Variants in CWF19L2 observed in about 807,000 individuals in gnomAD.
The protein encoded by CWF19L2 is CWF19-like protein 2.
Under a neutral mutation model 111.7 loss-of-function variants are expected in CWF19L2, and 98 were observed. That is an observed-to-expected ratio of 0.88 (90% CI 0.75 to 1.04). The LOEUF is 1.04. Ranked by LOEUF, CWF19L2 falls within the 50% of genes least tolerant of loss-of-function variation. The pLI, the probability that CWF19L2 is intolerant of heterozygous loss-of-function variation, is 0.00. For synonymous variants in CWF19L2, 351 were observed against 342.9 expected (o/e 1.02, Z -0.26); for missense variants, 1,101 against 1,051.4 (o/e 1.05, Z -0.65).
At chr11:107,355,568 G>GA (rs35629376) in intron 12 of CWF19L2, among the ~76,000 whole-genome samples, 23,167 of 152,106 alleles carry the variant, frequency 0.15, 1,862 homozygotes, top group Non-Finnish European at 0.17. Context: ...AGACAAAGCA[G>GA]ATTTCATAGC....
intron 3 of CWF19L2, among the ~76,000 whole-genome samples, chr11:107,451,674 A>G (rs1296022968): frequency 1.3e-5 from 2 of 152,196 alleles, no homozygotes; most frequent in East Asian, 1.9e-4. Flanking sequence ...ATGACAATAA[A>G]TTTGACAATT....
chr11:107,381,603 T>G (rs1245801363), intron 12 of CWF19L2, among the ~76,000 whole-genome samples: 3 of 152,196 alleles, frequency 2.0e-5, no homozygotes, highest in Non-Finnish European at 4.4e-5. Context: ...TTAAAGTCTA[T>G]GAGAATGAAA....
At chr11:107,392,684 A>G in intron 11 of CWF19L2, 95 bp downstream of exon 11, 1 of 670,912 alleles carries the variant, frequency 1.5e-6, no homozygotes, top group South Asian at 2.1e-5. Flanking sequence ...TTCAAAAGCC[A>G]CATTTCAGAA....
chr11:107,355,626 C>T (rs1411165821), intron 12 of CWF19L2, among the ~76,000 whole-genome samples: 1 of 152,094 alleles, frequency 6.6e-6, no homozygotes, highest in Admixed American at 6.5e-5. Flanking sequence ...GGAATCATAA[C>T]ATCAAGAGGA....
intron 8 of CWF19L2, among the ~76,000 whole-genome samples, chr11:107,425,567 G>A (rs758854982): frequency 1.3e-5 from 2 of 151,858 alleles, no homozygotes; most frequent in African/African-American, 4.8e-5. Flanking sequence ...TAATGAATCT[G>A]CCTAATGACA....
At chr11:107,360,028 G>T (rs1565252238) in intron 12 of CWF19L2, among the ~76,000 whole-genome samples, 3 of 152,226 alleles carry the variant, frequency 2.0e-5, no homozygotes, top group African/African-American at 4.8e-5. Flanking sequence ...GCATAGTGAT[G>T]AAGTCAGGGC....
chr11:107,356,798 G>A (rs1860243538), intron 12 of CWF19L2, among the ~76,000 whole-genome samples: 1 of 152,202 alleles, frequency 6.6e-6, no homozygotes, highest in African/African-American at 2.4e-5. Flanking sequence ...AGCATTTTGG[G>A]AGGTGGAGGT....
intron 10 of CWF19L2, among the ~76,000 whole-genome samples, chr11:107,396,130 C>T (rs117623781): frequency 6.1e-4 from 93 of 152,152 alleles, no homozygotes; most frequent in Middle Eastern, 3.4e-3. Flanking sequence ...CATTAAAATA[C>T]GAGACAGAAA....
chr11:107,329,408 G>T (rs994077075), intron 17 of CWF19L2, among the ~76,000 whole-genome samples: 1 of 152,124 alleles, frequency 6.6e-6, no homozygotes, highest in African/African-American at 2.4e-5. Context: ...TATAAATGAA[G>T]ATGAGAAAAT....
At chr11:107,357,391 G>A (rs866856774) in intron 12 of CWF19L2, among the ~76,000 whole-genome samples, 1 of 152,152 alleles carries the variant, frequency 6.6e-6, no homozygotes. Context: ...TATATTAACA[G>A]GAGCACAATA....
At chr11:107,447,366 A>G (rs538601341) in intron 3 of CWF19L2, among the ~76,000 whole-genome samples, 1 of 152,304 alleles carries the variant, frequency 6.6e-6, no homozygotes, top group African/African-American at 2.4e-5. Flanking sequence ...GACCAAGCTG[A>G]ACATGCTGAG....
intron 1 of CWF19L2, among the ~76,000 whole-genome samples, chr11:107,456,737 G>C (rs1279360368): frequency 1.3e-5 from 2 of 151,928 alleles, no homozygotes; most frequent in African/African-American, 2.4e-5. Context: ...AATAATTCTT[G>C]GTGTAGGCAA....
Position 107,329,907 on chromosome 11 carries a change from T to G in CWF19L2, c.2541+11A>C. 1 of 1,535,232 alleles carries G rather than the reference T, an allele frequency of 6.5e-7. No individual in the cohort carries two copies. Among genetic ancestry groups the G allele is most frequent in the East Asian group, 2.3e-5 (1 of 42,980 alleles). ...GCTAACTCTGGGATTTTATCAAATTTGTAAGCCTACCTTTCCAAAGTAATG... is the reference window on the plus strand; with the variant it reads ...GCTAACTCTGGGATTTTATCAAATTGGTAAGCCTACCTTTCCAAAGTAATG... On this transcript the variant is annotated intron_variant, in intron 17 of 17. Transcript: ENST00000282251.
rs749288164 is a variant in CWF19L2 at position 107,428,833 on chromosome 11, C to CT, written c.1398dup (p.Glu467ArgfsTer17). 2 of 1,611,808 alleles carry CT rather than the reference C, an allele frequency of 1.2e-6. No homozygotes were observed. The highest frequency in any genetic ancestry group is 1.7e-6 in the Non-Finnish European group (2 of 1,179,216). On this transcript the variant is annotated frameshift_variant, in exon 8 of 18. Coordinates refer to ENST00000282251, the MANE Select transcript of CWF19L2 (RefSeq NM_152434.3). LOFTEE classifies it high-confidence loss of function. ...GTAGACTTTGTATCCCGTAGATGTT[C>CT]TTTTTTTGGAGGGTCATCTCTCAAG...
intron 7 of CWF19L2, among the ~76,000 whole-genome samples, chr11:107,431,939 A>G (rs973453921): frequency 1.8e-4 from 27 of 152,184 alleles, no homozygotes; most frequent in Admixed American, 1.7e-3. Context: ...ATGCACAAAT[A>G]TATATTCCAG....
At chr11:107,351,366 G>A (rs1422411494) in intron 13 of CWF19L2, among the ~76,000 whole-genome samples, 1 of 152,118 alleles carries the variant, frequency 6.6e-6, no homozygotes, top group Admixed American at 6.5e-5. Flanking sequence ...CTAAAAAGAG[G>A]AAGACTATGG....
chr11:107,392,645 A>T (rs1310668512), intron 11 of CWF19L2, 134 bp downstream of exon 11: 1 of 541,116 alleles, frequency 1.8e-6, no homozygotes, highest in Non-Finnish European at 3.2e-6. Context: ...AGTAGTAACA[A>T]CATCATTTCC....
intron 4 of CWF19L2, 27 bp downstream of exon 4, chr11:107,442,912 G>A (rs1861652023): frequency 7.2e-7 from 1 of 1,395,352 alleles, no homozygotes; most frequent in South Asian, 1.2e-5. Flanking sequence ...AAGAAAGCAA[G>A]GAAGGAAAAT....
At chr11:107,448,999 T>C (rs1392680383) in intron 3 of CWF19L2, among the ~76,000 whole-genome samples, 2 of 146,542 alleles carry the variant, frequency 1.4e-5, no homozygotes, top group Non-Finnish European at 3.0e-5. Flanking sequence ...CACTGAAAAA[T>C]AATGATGAAA....
Sources: allele counts gnomAD v4.1 joint callset (sites outside exome capture counted in the v4.1 genomes callset), GRCh38; gene constraint gnomAD v4.1.1; transcripts MANE v1.5; gene names NCBI Gene and HGNC (gene_info 2026-07-23, HGNC 2026-07-21).